The following PRH1 variants were observed in gnomAD, a reference collection of about 807,000 sequenced individuals.
PRH1 encodes the protein proline rich protein HaeIII subfamily 1.
PRH1 carries 7 observed loss-of-function variants against 7.9 expected under a neutral mutation model. The observed-to-expected ratio is 0.89, with a 90% confidence interval of 0.50 to 1.67. The LOEUF is 1.67. PRH1 is among the 40% of genes most tolerant of loss of function. The pLI is 0.00. For synonymous variants in PRH1, 45 were observed against 80.8 expected (o/e 0.56, Z 2.38); for missense variants, 109 against 223.6 (o/e 0.49, Z 3.27).
chr12:10,903,204 C>G (rs969409918), intron 2 of PRH1, among the ~76,000 whole-genome samples: 1 of 151,960 alleles, frequency 6.6e-6, no homozygotes, highest in African/African-American at 2.4e-5. Flanking sequence ...GAAAGAATCA[C>G]TATTCCTATA....
At chr12:10,985,822 A>G in intron 1 of PRH1, 1 of 974,914 alleles carries the variant, frequency 1.0e-6, no homozygotes, top group Non-Finnish European at 1.5e-6. Flanking sequence ...GCTTTCAGAA[A>G]ATACTCAAAA....
intron 1 of PRH1, among the ~76,000 whole-genome samples, chr12:11,001,906 A>T (rs1940613316): frequency 6.6e-6 from 1 of 152,184 alleles, no homozygotes; most frequent in South Asian, 2.1e-4. Flanking sequence ...TAAATAAAAT[A>T]AAACCTTCAC....
chr12:10,970,692 G>C (rs1432952404), intron 2 of PRH1, among the ~76,000 whole-genome samples: 1 of 151,822 alleles, frequency 6.6e-6, no homozygotes, highest in South Asian at 2.1e-4. Context: ...AGCCTCCCTA[G>C]TAGTTGGGAT....
At chr12:11,131,349 A>C (rs749063834) in intron 1 of PRH1, among the ~76,000 whole-genome samples, 7 of 149,658 alleles carry the variant, frequency 4.7e-5, no homozygotes, top group Non-Finnish European at 8.9e-5. Flanking sequence ...ACATCACCAC[A>C]CATTGTTTCA....
chr12:11,056,459 A>T (rs1200446905), intron 1 of PRH1, among the ~76,000 whole-genome samples: 1 of 152,208 alleles, frequency 6.6e-6, no homozygotes, highest in African/African-American at 2.4e-5. Flanking sequence ...ACAGGAAACC[A>T]GATTCCCTGC....
chr12:11,009,852 A>G (rs1459899877), intron 1 of PRH1, among the ~76,000 whole-genome samples: 1 of 151,846 alleles, frequency 6.6e-6, no homozygotes, highest in Admixed American at 6.6e-5. Flanking sequence ...ACATCATTCT[A>G]TTTTATGAAC....
chr12:11,108,109 T>C (rs775119579), intron 1 of PRH1, among the ~76,000 whole-genome samples: 1 of 152,062 alleles, frequency 6.6e-6, no homozygotes, highest in African/African-American at 2.4e-5. Flanking sequence ...GAAAGAGAAA[T>C]AAAGACTTTT....
At chr12:11,052,938 GT>G (rs1218275922) in intron 1 of PRH1, among the ~76,000 whole-genome samples, 50 of 150,718 alleles carry the variant, frequency 3.3e-4, no homozygotes, top group Non-Finnish European at 6.1e-4. Flanking sequence ...TTTGTTTTTT[GT>G]TTTAGTATGT....
At chr12:10,922,223 A>C (rs930723113) in intron 2 of PRH1, among the ~76,000 whole-genome samples, 4 of 152,146 alleles carry the variant, frequency 2.6e-5, no homozygotes, top group Non-Finnish European at 5.9e-5. Context: ...ACCCTTCTTT[A>C]AATTTTTCTG....
rs537651276 is a variant in PRH1, at chr12:10,883,105, G to T, written c.65-9C>A. 1.2e-5 allele frequency: 19 copies of T among 1,612,860 alleles called. No individual in the cohort carries two copies. Among genetic ancestry groups the T allele is most frequent in the Middle Eastern group, 1.7e-4 (1 of 6,054 alleles). On this transcript the variant is annotated splice_polypyrimidine_tract_variant and intron_variant, in intron 1 of 3. Transcript: ENST00000543626. ...ATCTTCCTGGCTGACATCTAGAAAA[G>T]AAGTACAGGATGATGGGAAAAGTTA...
downstream of PRH1, among the ~76,000 whole-genome samples, chr12:11,117,505 A>G (rs1212071424): frequency 6.6e-6 from 1 of 152,202 alleles, no homozygotes. Flanking sequence ...GAATCTACAG[A>G]TTCAATGCAA....
chr12:11,021,009 A>T (rs1026095230), intron 1 of PRH1, among the ~76,000 whole-genome samples: 1 of 152,212 alleles, frequency 6.6e-6, no homozygotes, highest in Non-Finnish European at 1.5e-5. Context: ...TATAGAAATG[A>T]TTTTTATTCT....
intron 2 of PRH1, among the ~76,000 whole-genome samples, chr12:10,903,299 AG>A (rs1949749370): frequency 6.6e-6 from 1 of 152,186 alleles, no homozygotes; most frequent in Non-Finnish European, 1.5e-5. Context: ...CAATTCAACA[AG>A]AAGACTTAAC....
At chr12:10,957,144 T>C (rs371547076) in intron 2 of PRH1, among the ~76,000 whole-genome samples, 10 of 147,850 alleles carry the variant, frequency 6.8e-5, no homozygotes, top group African/African-American at 2.5e-4. Context: ...GCAGGAAGTA[T>C]AACATTACCT....
At chr12:11,048,645 T>C (rs1278112062), upstream of PRH1, 1 of 593,856 alleles carries the variant, frequency 1.7e-6, no homozygotes, top group South Asian at 1.8e-5. Context: ...TCTTGACATG[T>C]TTACATGGAG....
At chr12:10,914,136 G>A (rs1021085003) in intron 2 of PRH1, among the ~76,000 whole-genome samples, 5 of 152,096 alleles carry the variant, frequency 3.3e-5, no homozygotes, top group African/African-American at 1.2e-4. Flanking sequence ...CAAAACATTC[G>A]ATAGCAGTCA....
intron 1 of PRH1, among the ~76,000 whole-genome samples, chr12:10,987,303 A>C (rs1437937899): frequency 3.3e-5 from 5 of 152,160 alleles, no homozygotes; most frequent in Non-Finnish European, 5.9e-5. Flanking sequence ...TCCATCGTTC[A>C]TACAGTAAAT....
chr12:10,882,803 C>T (rs528479726), intron 2 of PRH1, 105 bp from the exon 3 acceptor site: 1 of 1,542,536 alleles, frequency 6.5e-7, no homozygotes, highest in Non-Finnish European at 8.7e-7. Context: ...GCCTGACCTG[C>T]CTCTCAACTC....
At chr12:10,908,735 T>C in intron 2 of PRH1, 1 of 1,613,910 alleles carries the variant, frequency 6.2e-7, no homozygotes, top group Non-Finnish European at 8.5e-7. Context: ...TAAATGGTGT[T>C]AGACTGAACA....
Sources: allele counts gnomAD v4.1 joint callset (sites outside exome capture counted in the v4.1 genomes callset), GRCh38; gene constraint gnomAD v4.1.1; transcripts MANE v1.5; gene names NCBI Gene and HGNC (gene_info 2026-07-23, HGNC 2026-07-21).